Variants in CUX1 observed in about 807,000 individuals in gnomAD.
CUX1 encodes cut like homeobox 1, also known as protein CASP.
Under a neutral mutation model 158.8 loss-of-function variants are expected in CUX1, and 31 were observed. The observed-to-expected ratio is 0.20, with a 90% CI of 0.15 to 0.26. The LOEUF (loss-of-function observed/expected upper bound fraction) is 0.26. Ranked by LOEUF, CUX1 falls within the 10% of genes least tolerant of loss-of-function variation. The probability of loss-of-function intolerance (pLI) is 1.00; values close to 1 mark genes in which losing one functional copy is unlikely to be tolerated. For missense variants in CUX1, 1,589 were observed against 2,014.6 expected (o/e 0.79, Z 4.04); for synonymous variants, 879 against 862.1 (o/e 1.02, Z -0.34).
At chr7:102,023,086 G>A (rs116026275) in intron 2 of CUX1, among the ~76,000 whole-genome samples, 2,269 of 152,144 alleles carry the variant, frequency 0.015, 49 homozygotes, top group African/African-American at 0.051. Flanking sequence ...GGGGTGGCTC[G>A]CACCTATAGT....
intron 20 of CUX1, among the ~76,000 whole-genome samples, chr7:102,219,614 A>G (rs2132263880): frequency 6.6e-6 from 1 of 152,232 alleles, no homozygotes; most frequent in East Asian, 1.9e-4. Context: ...AAAGAAAGCC[A>G]TTTTGTAGTT....
At chr7:102,082,998 A>G (rs1827598222) in intron 4 of CUX1, among the ~76,000 whole-genome samples, 1 of 147,328 alleles carries the variant, frequency 6.8e-6, no homozygotes, top group African/African-American at 2.4e-5. Context: ...ATTTTACCTG[A>G]TAAGAAATGC....
At chr7:101,964,068 G>T (rs917195467) in intron 2 of CUX1, among the ~76,000 whole-genome samples, 14 of 152,108 alleles carry the variant, frequency 9.2e-5, no homozygotes, top group Non-Finnish European at 1.9e-4. Flanking sequence ...ATGACAAGGC[G>T]GTACCGGGCA....
chr7:101,904,551 A>G (rs902991514), intron 1 of CUX1, among the ~76,000 whole-genome samples: 9 of 151,060 alleles, frequency 6.0e-5, no homozygotes, highest in African/African-American at 1.7e-4. Flanking sequence ...TATCAAATGT[A>G]TAATAACATT....
chr7:101,829,536 C>T (rs960656495), intron 1 of CUX1, among the ~76,000 whole-genome samples: 3 of 152,062 alleles, frequency 2.0e-5, no homozygotes, highest in African/African-American at 7.2e-5. Context: ...GTTTTTCCTC[C>T]CGACCTGCGC....
chr7:102,180,168 A>G (rs2131803010), intron 11 of CUX1, among the ~76,000 whole-genome samples: 1 of 152,122 alleles, frequency 6.6e-6, no homozygotes, highest in East Asian at 1.9e-4. Flanking sequence ...AACTACAGTC[A>G]CGCGCCACCA....
At chr7:102,116,284 T>C (rs1831430342) in intron 8 of CUX1, among the ~76,000 whole-genome samples, 1 of 152,086 alleles carries the variant, frequency 6.6e-6, no homozygotes, top group Non-Finnish European at 1.5e-5. Flanking sequence ...CTGGGTCATT[T>C]AGTAGCCTGA....
At chr7:101,844,360 C>G (rs1355557440) in intron 1 of CUX1, among the ~76,000 whole-genome samples, 1 of 152,102 alleles carries the variant, frequency 6.6e-6, no homozygotes, top group African/African-American at 2.4e-5. Context: ...TGATAAACTT[C>G]CTGAGACTTT....
At chr7:101,889,510 C>T (rs1183722048) in intron 1 of CUX1, among the ~76,000 whole-genome samples, 2 of 152,180 alleles carry the variant, frequency 1.3e-5, no homozygotes, top group Non-Finnish European at 2.9e-5. Context: ...GTGGTTCACA[C>T]CTGTCATCCC....
chr7:102,040,431 G>C (rs1316585560), intron 3 of CUX1, among the ~76,000 whole-genome samples: 1 of 152,200 alleles, frequency 6.6e-6, no homozygotes, highest in Non-Finnish European at 1.5e-5. Flanking sequence ...TAGGGCCCGG[G>C]TCATGCCAGG....
At chr7:102,142,080 C>T (rs113625382) in intron 8 of CUX1, among the ~76,000 whole-genome samples, 2 of 152,272 alleles carry the variant, frequency 1.3e-5, no homozygotes, top group African/African-American at 4.8e-5. Context: ...ACCACTGCGC[C>T]GCCCTGCACC....
chr7:101,833,693 T>G (rs530208537), intron 1 of CUX1, among the ~76,000 whole-genome samples: 1 of 151,796 alleles, frequency 6.6e-6, no homozygotes, highest in South Asian at 2.1e-4. Flanking sequence ...TGTGCTGTAG[T>G]ATTTCCAGGA....
chr7:102,092,214 G>T (rs181447869), intron 4 of CUX1, among the ~76,000 whole-genome samples: 2 of 152,094 alleles, frequency 1.3e-5, no homozygotes, highest in Admixed American at 1.3e-4. Flanking sequence ...CTTGTGCACA[G>T]GCTCCCTCTC....
chr7:101,920,714 G>A (rs1003675195), intron 2 of CUX1, among the ~76,000 whole-genome samples: 3 of 152,234 alleles, frequency 2.0e-5, no homozygotes, highest in Admixed American at 1.3e-4. Flanking sequence ...AATTGTATAC[G>A]TTTTCTTTGA....
chr7:102,234,009 G>T lies in CUX1; in HGVS notation c.3434-43G>T, dbSNP rs782318962. 2.9e-6 allele frequency: 4 copies of T among 1,399,950 alleles called. No individual in the cohort carries two copies. The South Asian group carries it at 6.7e-5, about 23-fold the overall frequency. 86.7% of individuals were successfully genotyped at this position (1,399,950 alleles called of 1,614,324 possible). On this transcript the variant is annotated intron_variant, in intron 21 of 23. Transcript: ENST00000292535. Reference sequence around the variant, plus strand: ...ACGTACTTGTCCCTTCAGATCCCTGGCTCTCGGTGACAATACCTGTCTTGC... The same window carrying T: ...ACGTACTTGTCCCTTCAGATCCCTGTCTCTCGGTGACAATACCTGTCTTGC...
At chr7:102,232,874 T>C (rs1432456493) in intron 21 of CUX1, among the ~76,000 whole-genome samples, 1 of 152,214 alleles carries the variant, frequency 6.6e-6, no homozygotes, top group Admixed American at 6.5e-5. Context: ...AAAGGCAGCC[T>C]AGACTGCAAA....
At chr7:102,231,083 G>A (rs1364075328) in intron 21 of CUX1, among the ~76,000 whole-genome samples, 1 of 145,080 alleles carries the variant, frequency 6.9e-6, no homozygotes, top group East Asian at 2.0e-4. Context: ...AGGGTGGAGT[G>A]CAGTGGCGCG....
At chr7:102,174,877 G>A (rs558852921) in intron 10 of CUX1, among the ~76,000 whole-genome samples, 54 of 152,326 alleles carry the variant, frequency 3.5e-4, no homozygotes, top group African/African-American at 1.3e-3. Flanking sequence ...TTGAACCTGG[G>A]AGGGGGAGGT....
At position 102,171,739 on chromosome 7, in the gene CUX1, C is replaced by T. The variant is rs544909532; in HGVS notation, c.828+1189C>T. On this transcript the variant is annotated intron_variant, in intron 10 of 23. Transcript: ENST00000292535. ...CTGGGATTACAGGCATGAGCCACCA[C>T]GCCTAGCCTGATCCCTCAATTTCTA... is the stretch of plus-strand genomic sequence containing the variant. 1.1e-3 allele frequency among the ~76,000 whole-genome samples: 169 copies of T among 152,294 alleles called. 1 individual carries two copies. Among genetic ancestry groups the T allele is most frequent in the African/African-American group, 3.9e-3 (164 of 41,556 alleles).
Sources: allele counts gnomAD v4.1 joint callset (sites outside exome capture counted in the v4.1 genomes callset), GRCh38; gene constraint gnomAD v4.1.1; transcripts MANE v1.5; gene names NCBI Gene and HGNC (gene_info 2026-07-23, HGNC 2026-07-21).